The following NIBAN1 variants were observed in gnomAD, a reference collection of about 807,000 sequenced individuals.
The protein encoded by NIBAN1 is niban apoptosis regulator 1, also known as protein Niban 1.
In NIBAN1, 81 loss-of-function variants were observed where a neutral mutation model predicts 75.1. The observed-to-expected ratio is 1.08, with a 90% CI of 0.90 to 1.30. NIBAN1 has a LOEUF of 1.30. Among genes scored for constraint, NIBAN1 ranks in the 50% most tolerant of loss-of-function variants. The probability of loss-of-function intolerance (pLI) is 0.00; values close to 1 mark genes in which losing one functional copy is unlikely to be tolerated. For missense variants in NIBAN1, 1,133 were observed against 1,128.1 expected (o/e 1.00, Z -0.06); for synonymous variants, 436 against 424.8 (o/e 1.03, Z -0.32).
intron 4 of NIBAN1, among the ~76,000 whole-genome samples, chr1:184,889,198 C>T (rs1360387235): frequency 6.6e-6 from 1 of 152,110 alleles, no homozygotes; most frequent in Non-Finnish European, 1.5e-5. Flanking sequence ...ATCATTTCTC[C>T]ACATGTAAAA....
intron 1 of NIBAN1, among the ~76,000 whole-genome samples, chr1:184,968,702 G>A (rs558478336): frequency 1.4e-4 from 21 of 152,296 alleles, no homozygotes; most frequent in South Asian, 8.3e-4. Flanking sequence ...GCTTTGGGCC[G>A]CACGTAAAAA....
intron 1 of NIBAN1, among the ~76,000 whole-genome samples, chr1:184,948,287 T>A (rs1658278733): frequency 6.6e-6 from 1 of 152,220 alleles, no homozygotes; most frequent in Non-Finnish European, 1.5e-5. Context: ...AGCATATATG[T>A]ATTCATTTAT....
At chr1:184,859,205 T>TAA in intron 5 of NIBAN1, among the ~76,000 whole-genome samples, 1 of 151,894 alleles carries the variant, frequency 6.6e-6, no homozygotes, top group African/African-American at 2.4e-5. Context: ...AATAAATAAA[T>TAA]ATATATATAT....
rs370408065 is a variant in NIBAN1, at chr1:184,795,678, C to A, written c.2086G>T (p.Ala696Ser). The change falls in exon 14 of 14, where the codon GCC (alanine) becomes TCC (serine). Residue 696 changes from alanine (A) to serine (S), a missense_variant. Transcript: ENST00000367511. ...GTGATGGGTTCTGGCTCTTCCTGGGCGGGTTCTTCATCCTCAAGGGTCCCT... is the reference window on the plus strand; with the variant it reads ...GTGATGGGTTCTGGCTCTTCCTGGGAGGGTTCTTCATCCTCAAGGGTCCCT... ...FGGTLEDEEP[A>S]QEEPEPITAS... 3.1e-6 allele frequency: 5 copies of A among 1,613,946 alleles called. No individual in the cohort carries two copies. The Admixed American group carries it at 5.0e-5, about 16-fold the overall frequency.
intron 1 of NIBAN1, among the ~76,000 whole-genome samples, chr1:184,942,537 C>CA (rs1431587589): frequency 3.7e-4 from 56 of 151,934 alleles, no homozygotes; most frequent in Admixed American, 3.3e-3. Flanking sequence ...ACTAAAAATA[C>CA]AAAAAAATTA....
intron 9 of NIBAN1, among the ~76,000 whole-genome samples, chr1:184,816,936 T>G (rs1654553957): frequency 6.6e-6 from 1 of 152,124 alleles, no homozygotes; most frequent in Non-Finnish European, 1.5e-5. Flanking sequence ...TGCAGGTTTG[T>G]TACATAGGTA....
In NIBAN1 at chr1:184,967,987, AGGT is replaced by A. The variant is rs1658843127; in HGVS notation, c.55+6312_55+6314del. On this transcript the variant is annotated intron_variant, in intron 1 of 13. Transcript: ENST00000367511. ...GGGAGGCCGAGGCGGGTGGATCATG[AGGT>A]CAGGAGATCGAGACCATCCTGGCTA... is the stretch of plus-strand genomic sequence containing the variant. Among the ~76,000 whole-genome samples the A allele has an allele frequency of 2.0e-4, 2 of 9,990 alleles. 1 individual carries two copies. The highest frequency in any genetic ancestry group is 8.0e-4 in the Non-Finnish European group (2 of 2,486). 6.6% of individuals were successfully genotyped at this position (9,990 alleles called of 152,430 possible).
At chr1:184,865,869 AAAAT>A (rs1467745034) in intron 5 of NIBAN1, among the ~76,000 whole-genome samples, 1 of 152,206 alleles carries the variant, frequency 6.6e-6, no homozygotes, top group Non-Finnish European at 1.5e-5. Context: ...TGGAAAATGA[AAAAT>A]AAACAAGTAA....
chr1:184,958,427 G>A (rs1304007391), intron 1 of NIBAN1, among the ~76,000 whole-genome samples: 1 of 149,804 alleles, frequency 6.7e-6, no homozygotes, highest in Non-Finnish European at 1.5e-5. Context: ...TTAGAATTAA[G>A]ATATTGAATC....
intron 5 of NIBAN1, among the ~76,000 whole-genome samples, chr1:184,869,795 G>A (rs1656054555): frequency 6.6e-6 from 1 of 152,122 alleles, no homozygotes; most frequent in South Asian, 2.1e-4. Context: ...ACCCACCTTG[G>A]CCTCCCAACG....
At chr1:184,863,875 C>A (rs549393244) in intron 5 of NIBAN1, among the ~76,000 whole-genome samples, 12 of 152,254 alleles carry the variant, frequency 7.9e-5, no homozygotes, top group Non-Finnish European at 1.3e-4. Flanking sequence ...TTCCATGAAC[C>A]TCAGTGTCAT....
At chr1:184,934,618 C>G (rs969343341) in intron 1 of NIBAN1, among the ~76,000 whole-genome samples, 3 of 152,118 alleles carry the variant, frequency 2.0e-5, no homozygotes, top group Non-Finnish European at 4.4e-5. Context: ...AATAAATGGC[C>G]ACTAGCAGTG....
intron 13 of NIBAN1, among the ~76,000 whole-genome samples, chr1:184,797,600 A>G (rs1215531734): frequency 6.7e-6 from 1 of 149,860 alleles, no homozygotes; most frequent in African/African-American, 2.5e-5. Flanking sequence ...GAGTCTGGGA[A>G]TGTGTTGAGA....
chr1:184,966,953 C>T (rs1488900425), intron 1 of NIBAN1, among the ~76,000 whole-genome samples: 1 of 152,100 alleles, frequency 6.6e-6, no homozygotes, highest in East Asian at 1.9e-4. Context: ...ATACAAACTT[C>T]CTTAGGTCCT....
intron 5 of NIBAN1, among the ~76,000 whole-genome samples, chr1:184,844,879 C>T (rs473039): frequency 0.59 from 89,607 of 151,964 alleles, 26,816 homozygotes; most frequent in African/African-American, 0.68. Flanking sequence ...GGTGAGAACA[C>T]TGGCTAATTT....
chr1:184,887,992 G>A (rs1438678442), intron 4 of NIBAN1: 3 of 152,240 alleles, frequency 2.0e-5, no homozygotes, highest in Admixed American at 6.5e-5. Flanking sequence ...GTAACAGAGT[G>A]AGACCATTGT....
Position 184,855,495 on chromosome 1 carries a change from C to T in NIBAN1, c.602-23533G>A, listed in dbSNP as rs146985410. Among the ~76,000 whole-genome samples, 456 of 152,124 alleles carry T rather than the reference C, an allele frequency of 3.0e-3. 1 individual carries two copies. The highest frequency in any genetic ancestry group is 4.4e-3 in the Non-Finnish European group (302 of 68,010). On this transcript the variant is annotated intron_variant, in intron 5 of 13. Transcript: ENST00000367511. ...TCTCTGATAGCATTCTCTATCTCCA[C>T]ATTTCTCTTCAGTTCTAGGCTGGGC... is the stretch of plus-strand genomic sequence containing the variant.
chr1:184,862,012 G>A (rs1655830196), intron 5 of NIBAN1, among the ~76,000 whole-genome samples: 2 of 152,138 alleles, frequency 1.3e-5, no homozygotes, highest in South Asian at 4.1e-4. Flanking sequence ...TTCTCCACAG[G>A]TTCAAGGGCA....
intron 1 of NIBAN1, among the ~76,000 whole-genome samples, chr1:184,963,760 G>T (rs952515303): frequency 6.6e-6 from 1 of 152,096 alleles, no homozygotes; most frequent in Admixed American, 6.5e-5. Flanking sequence ...TGAAAGAAAA[G>T]CATGTATTAT....
Sources: gnomAD v4.1 joint callset for allele counts (sites outside exome capture counted in the v4.1 genomes callset) on GRCh38, gnomAD v4.1.1 for gene constraint, MANE v1.5 for transcripts, NCBI Gene and HGNC (gene_info 2026-07-23, HGNC 2026-07-21) for gene names.